FCRLA: variants seen among roughly 807,000 people sequenced by gnomAD.
The protein encoded by FCRLA is Fc receptor-like A.
Under a neutral mutation model 28.4 loss-of-function variants are expected in FCRLA, and 26 were observed. The observed-to-expected ratio is 0.91, with a 90% CI of 0.67 to 1.27. The LOEUF (loss-of-function observed/expected upper bound fraction) is 1.27. Among genes scored for constraint, FCRLA ranks in the 50% most tolerant of loss-of-function variants. The pLI is 0.00. For synonymous variants in FCRLA, 174 were observed against 168.5 expected, an observed-to-expected ratio of 1.03 and a Z score of -0.25; for missense variants, 422 against 433.1, an observed-to-expected ratio of 0.97 and a Z score of 0.23.
chr1:161,712,114 T>C lies in FCRLA; in HGVS notation c.680T>C (p.Ile227Thr). The part of the protein sequence containing the change: ...QSRGLSSEFQ[I>T]PTASEDHSGS... ...AGGGGGCTCTCCTCAGAATTCCAGATCCCCACAGCTTCAGAAGATCACTCC... is the reference window on the plus strand; with the variant it reads ...AGGGGGCTCTCCTCAGAATTCCAGACCCCCACAGCTTCAGAAGATCACTCC... Residue 227 changes from isoleucine (I) to threonine (T), a missense_variant, in exon 4 of 5, where the codon ATC becomes ACC. This residue lies in a region of FCRLA where 185 missense variants were observed against 198.1 expected (regional missense o/e 0.93). Transcript: ENST00000236938. 6.2e-7 allele frequency: 1 copy of C among 1,614,086 alleles called. No individual in the cohort carries two copies. The highest frequency in any genetic ancestry group is 1.7e-5 in the Admixed American group (1 of 60,022).
Position 161,712,477 on chromosome 1 carries a change from T to TC in FCRLA, c.784+266dup, listed in dbSNP as rs373360472. On this transcript the variant is annotated intron_variant, in intron 4 of 4. Coordinates refer to ENST00000236938, the MANE Select transcript of FCRLA (RefSeq NM_032738.4). ...ACCTGCTGCCCCACAAGCCTTAGCA[T>TC]CCCCCCCAACATGCTCTCTGGGCAT... 4.0e-5 allele frequency among the ~76,000 whole-genome samples: 6 copies of TC among 151,580 alleles called. No individual in the cohort carries two copies. In the South Asian group the frequency reaches 1.3e-3, roughly 32 times the overall value.
rs781524210 is a variant in FCRLA at position 161,711,354 on chromosome 1, G to A, written c.379G>A (p.Glu127Lys). 40 of 1,614,180 alleles carry A rather than the reference G, an allele frequency of 2.5e-5. No individual in the cohort carries two copies. Among genetic ancestry groups the A allele is most frequent in the Non-Finnish European group, 3.2e-5 (38 of 1,180,018 alleles). Residue 127 changes from glutamate (E) to lysine (K), a missense_variant, in exon 3 of 5, where the codon GAA (glutamate) becomes AAA (lysine). Glu to Lys is a moderately conservative substitution (Grantham distance 56). This residue lies in a region of FCRLA where 231 missense variants were observed against 214.6 expected (regional missense o/e 1.08). Coordinates refer to ENST00000236938, the MANE Select transcript of FCRLA (RefSeq NM_032738.4). ...TCTGGGTCCCCCCGGGCCTAACAGG[G>A]AATTCTCCATCACCGTGGTACAAAA... ...SALGPPGPNR[E>K]FSITVVQKAD...
chr1:161,710,568 C>T (rs972302685), intron 1 of FCRLA, 192 bp from the exon 2 acceptor site: 49 of 1,490,162 alleles, frequency 3.3e-5, no homozygotes, highest in African/African-American at 5.6e-5. Flanking sequence ...AGCACCTGGA[C>T]GCCAGTGAAT....
Position 161,713,532 on chromosome 1 carries a change from TA to T in FCRLA, c.*153del. The T allele has an allele frequency of 1.6e-6, 1 of 632,562 alleles. No individual in the cohort carries two copies. Among genetic ancestry groups the T allele is most frequent in the Non-Finnish European group, 2.7e-6 (1 of 369,604 alleles). 39.2% of individuals were successfully genotyped at this position (632,562 alleles called of 1,614,324 possible). A position where few individuals can be genotyped will look rare whatever the true frequency, so the allele number is the denominator to read the frequency against. Reference sequence around the variant, plus strand: ...GTAGTTAGGTGAGTGTAAATAAATTTATATAAAGTGAGAATTAGAGTTTAGC... The same window carrying T: ...GTAGTTAGGTGAGTGTAAATAAATTTTATAAAGTGAGAATTAGAGTTTAGC... On this transcript the variant is annotated 3_prime_UTR_variant, in exon 5 of 5. Coordinates refer to ENST00000236938, the MANE Select transcript of FCRLA (RefSeq NM_032738.4).
At chr1:161,708,945 C>A (rs1190157636) in intron 1 of FCRLA, among the ~76,000 whole-genome samples, 1 of 152,162 alleles carries the variant, frequency 6.6e-6, no homozygotes, top group Non-Finnish European at 1.5e-5. Context: ...GTGATAAGAA[C>A]TGCAGACTTG....
intron 4 of FCRLA, among the ~76,000 whole-genome samples, chr1:161,712,735 G>T (rs993112906): frequency 6.6e-6 from 1 of 152,188 alleles, no homozygotes; most frequent in South Asian, 2.1e-4. Flanking sequence ...AAAGCTGAAG[G>T]CTGGCATTAG....
intron 1 of FCRLA, among the ~76,000 whole-genome samples, chr1:161,708,811 C>T (rs908448793): frequency 4.6e-5 from 7 of 152,222 alleles, no homozygotes; most frequent in Admixed American, 2.6e-4. Context: ...TGGCTGCTTG[C>T]GATACATTTT....
intron 1 of FCRLA, 140 bp downstream of exon 1, chr1:161,707,483 G>A: frequency 1.1e-6 from 1 of 937,392 alleles, no homozygotes; most frequent in Non-Finnish European, 1.5e-6. Flanking sequence ...GTAGGTATAA[G>A]AAAGTTTGGT....
At chr1:161,710,695 C>A in intron 1 of FCRLA, 65 bp from the exon 2 acceptor site, 1 of 1,591,544 alleles carries the variant, frequency 6.3e-7, no homozygotes, top group Non-Finnish European at 8.6e-7. Context: ...GATGGAGGAA[C>A]CCTGTCCTCT....
In FCRLA at chr1:161,710,907, C is replaced by A; in HGVS notation, c.227C>A (p.Ser76Tyr). 6.2e-7 allele frequency: 1 copy of A among 1,612,848 alleles called. No individual in the cohort carries two copies. Among genetic ancestry groups the A allele is most frequent in the South Asian group, 1.1e-5 (1 of 91,006 alleles). The part of the protein sequence containing the change: ...TFSEPFHLIV[S>Y]YDWLILQGPA... ...AGTGAACCCTTCCACCTGATTGTGT[C>A]CTATGGTGAGGTCCTGGGAAGGCCT... The change falls in exon 2 of 5, where the codon TCC (serine) becomes TAC (tyrosine). Residue 76 changes from serine (S) to tyrosine (Y), a missense_variant. Physicochemically the swap from Ser to Tyr is moderately radical, Grantham distance 144. This residue lies in a region of FCRLA where 231 missense variants were observed against 214.6 expected (regional missense o/e 1.08). Transcript: ENST00000236938.
Position 161,707,331 on chromosome 1 carries a change from C to G in FCRLA, c.67C>G (p.Gln23Glu). The change falls in exon 1 of 5, where the codon CAG (glutamine) becomes GAG (glutamate). Residue 23 changes from glutamine to glutamate, a missense_variant. By Grantham distance (29) the Gln-to-Glu change is conservative. Around this residue, in one of 3 missense-constraint regions of FCRLA, gnomAD observed 231 missense variants for 214.6 expected, o/e 1.08. Coordinates refer to ENST00000236938, the MANE Select transcript of FCRLA (RefSeq NM_032738.4). Reference sequence around the variant, plus strand: ...TTCCCTTGGTGTGCTCTGGGTGGCCCAGATGCTACTGGGTAAGTAAAATAT... The same window carrying G: ...TTCCCTTGGTGTGCTCTGGGTGGCCGAGATGCTACTGGGTAAGTAAAATAT... ...YLSLGVLWVA[Q>E]MLLAASFETL... 6.2e-7 allele frequency: 1 copy of G among 1,600,448 alleles called. No individual in the cohort carries two copies. The highest frequency in any genetic ancestry group is 8.5e-7 in the Non-Finnish European group (1 of 1,175,414).
chr1:161,709,788 T>A (rs1213016798), intron 1 of FCRLA, among the ~76,000 whole-genome samples: 1 of 152,128 alleles, frequency 6.6e-6, no homozygotes, highest in Non-Finnish European at 1.5e-5. Context: ...GAAATGTCAC[T>A]TCCCTTGCCT....
chr1:161,712,430 C>A (rs113558856), intron 4 of FCRLA, among the ~76,000 whole-genome samples: 1 of 152,156 alleles, frequency 6.6e-6, no homozygotes, highest in African/African-American at 2.4e-5. Flanking sequence ...CCTCACCAGA[C>A]CAAGAGCTGA....
rs1683197256 is a variant in FCRLA at position 161,713,234 on chromosome 1, A to G, written c.934A>G (p.Met312Val). ...TCCAGGCTTTTCTTCTCCTCTGGGG[A>G]TGCCAGATCCTCATCTGTATCACCA... ...EDPGFSSPLG[M>V]PDPHLYHQMG... The change falls in exon 5 of 5, where the codon ATG becomes GTG. Residue 312 changes from methionine to valine, a missense_variant. Physicochemically the swap from Met to Val is conservative, Grantham distance 21. Transcript: ENST00000236938. 6.2e-7 allele frequency: 1 copy of G among 1,614,226 alleles called. No individual in the cohort carries two copies. Among genetic ancestry groups the G allele is most frequent in the Middle Eastern group, 1.6e-4 (1 of 6,062 alleles).
rs1683235679 is a variant in FCRLA at position 161,713,986 on chromosome 1, T to C, written c.*606T>C. On this transcript the variant is annotated 3_prime_UTR_variant, in exon 5 of 5. Coordinates refer to ENST00000236938, the MANE Select transcript of FCRLA (RefSeq NM_032738.4). ...TAATTATTATCTCTTTCCAGCCTCA[T>C]TCAGCTATTCTTACTGACATACCAG... 1 of 152,422 alleles carries C rather than the reference T, an allele frequency of 6.6e-6. No individual in the cohort carries two copies. Among genetic ancestry groups the C allele is most frequent in the South Asian group, 2.1e-4 (1 of 4,832 alleles). The allele number at this position is 152,422 out of a possible 1,614,324, so 9.4% of individuals were successfully genotyped here.
In FCRLA at chr1:161,711,355, A is replaced by T; in HGVS notation, c.380A>T (p.Glu127Val). 1.2e-6 allele frequency: 2 copies of T among 1,614,132 alleles called. No homozygotes were observed. Among genetic ancestry groups the T allele is most frequent in the Middle Eastern group, 3.3e-4 (2 of 6,062 alleles). Residue 127 changes from glutamate to valine, a missense_variant, in exon 3 of 5, where the codon GAA (glutamate) becomes GTA (valine). Glu to Val is a moderately radical substitution (Grantham distance 121). Transcript: ENST00000236938. ...CTGGGTCCCCCCGGGCCTAACAGGGAATTCTCCATCACCGTGGTACAAAAG... is the reference window on the plus strand; with the variant it reads ...CTGGGTCCCCCCGGGCCTAACAGGGTATTCTCCATCACCGTGGTACAAAAG... Reference protein sequence around the residue: ...SALGPPGPNREFSITVVQKAD... With the variant: ...SALGPPGPNRVFSITVVQKAD...
rs1437479327 is a variant in FCRLA, at chr1:161,712,191, A to G, written c.757A>G (p.Ser253Gly). The G allele has an allele frequency of 1.2e-6, 2 of 1,613,758 alleles. No homozygotes were observed. Among genetic ancestry groups the G allele is most frequent in the Non-Finnish European group, 1.7e-6 (2 of 1,179,858 alleles). Residue 253 changes from serine to glycine, a missense_variant, in exon 4 of 5, where the codon AGC (serine) becomes GGC (glycine). Physicochemically the swap from Ser to Gly is moderately conservative, Grantham distance 56 (BLOSUM62 0). This residue lies in a region of FCRLA where 185 missense variants were observed against 198.1 expected (regional missense o/e 0.93). Coordinates refer to ENST00000236938, the MANE Select transcript of FCRLA (RefSeq NM_032738.4). ...ATEDNQVWKQSPQLEIRVQGA... is the reference protein window; with the variant it reads ...ATEDNQVWKQGPQLEIRVQGA... The stretch of plus-strand genomic sequence containing the variant: ...TGAGGACAACCAAGTTTGGAAACAG[A>G]GCCCCCAGCTAGAGATCAGAGTGCA...
At chr1:161,711,645 G>A in intron 3 of FCRLA, 171 bp downstream of exon 3, 1 of 858,038 alleles carries the variant, frequency 1.2e-6, no homozygotes, top group Non-Finnish European at 1.8e-6. Context: ...GCCTTTTGAA[G>A]TCATCCAGCC....
At chr1:161,708,126 G>A (rs1682920134) in intron 1 of FCRLA, among the ~76,000 whole-genome samples, 3 of 152,226 alleles carry the variant, frequency 2.0e-5, no homozygotes, top group Admixed American at 1.3e-4. Context: ...TCTCACAAGT[G>A]TCTCTGCACC....
Sources: gnomAD v4.1 joint callset for allele counts (sites outside exome capture counted in the v4.1 genomes callset) on GRCh38, gnomAD v4.1.1 for gene constraint, gnomAD v4.1.1 regional missense constraint, MANE v1.5 for transcripts, NCBI Gene and HGNC (gene_info 2026-07-23, HGNC 2026-07-21) for gene names.